Variants in GOT1 observed in about 807,000 individuals in gnomAD.
GOT1 encodes the protein glutamic-oxaloacetic transaminase 1.
GOT1 carries 25 observed loss-of-function variants against 48.2 expected under a neutral mutation model. The observed-to-expected ratio is 0.52, with a 90% confidence interval of 0.38 to 0.72. The LOEUF is 0.72. Among genes scored for constraint, GOT1 ranks in the 30% least tolerant of loss-of-function variants. GOT1 has a pLI of 0.00. For synonymous variants in GOT1, 188 were observed against 193.8 expected, an observed-to-expected ratio of 0.97 and a Z score of 0.25; for missense variants, 380 against 520.1, an observed-to-expected ratio of 0.73 and a Z score of 2.62.
chr10:99,406,574 T>C (rs1186233671), intron 3 of GOT1, 152 bp downstream of exon 3: 17 of 685,720 alleles, frequency 2.5e-5, no homozygotes, highest in African/African-American at 5.4e-5. Flanking sequence ...GAGCAGCAGG[T>C]TTCTCATGCA....
Position 99,403,734 on chromosome 10 carries a change from G to A in GOT1, c.783C>T (p.Phe261=), listed in dbSNP as rs780263697. The A allele has an allele frequency of 5.6e-6, 9 of 1,614,190 alleles. 1 individual carries two copies. The Admixed American group carries it at 6.7e-5, about 12-fold the overall frequency. The part of the protein sequence containing the change: ...FFCAQSFSKN[F]GLYNERVGNL... ...CAGGAGAGCACTCACTGTAGAGCCC[G>A]AAGTTCTTGGAGAAGGACTGGGCAC... The change falls in exon 6 of 9, where the codon TTC becomes TTT. Residue 261 remains phenylalanine, a synonymous_variant. Transcript: ENST00000370508.
At chr10:99,404,320 C>G (rs2032725991) in intron 5 of GOT1, among the ~76,000 whole-genome samples, 1 of 152,190 alleles carries the variant, frequency 6.6e-6, no homozygotes, top group South Asian at 2.1e-4. Context: ...GAGCTCTCCA[C>G]AGGGAACCTG....
chr10:99,413,684 C>G (rs2032856490), intron 2 of GOT1, among the ~76,000 whole-genome samples: 1 of 152,096 alleles, frequency 6.6e-6, no homozygotes, highest in South Asian at 2.1e-4. Flanking sequence ...TAAAGGCAGC[C>G]AGAAAGAAAG....
At chr10:99,407,052 G>C (rs1564970432) in intron 2 of GOT1, among the ~76,000 whole-genome samples, 1 of 152,216 alleles carries the variant, frequency 6.6e-6, no homozygotes, top group Non-Finnish European at 1.5e-5. Context: ...CTGAGGCTGA[G>C]AGAGGTGAAG....
At chr10:99,412,026 C>T (rs117796646) in intron 2 of GOT1, among the ~76,000 whole-genome samples, 1 of 152,252 alleles carries the variant, frequency 6.6e-6, no homozygotes, top group East Asian at 1.9e-4. Context: ...GCCTAAAATA[C>T]CTAAGGATTC....
intron 1 of GOT1, among the ~76,000 whole-genome samples, chr10:99,426,697 A>T (rs140990654): frequency 6.5e-4 from 99 of 152,322 alleles, no homozygotes; most frequent in African/African-American, 2.3e-3. Context: ...CAACTTAGAA[A>T]GCATTGTGCT....
intron 2 of GOT1, among the ~76,000 whole-genome samples, chr10:99,418,497 T>TC (rs1215531276): frequency 1.3e-5 from 2 of 150,480 alleles, no homozygotes; most frequent in African/African-American, 2.4e-5. Context: ...CCACTTTCTT[T>TC]TTTTTTTTTT....
chr10:99,420,651 A>T lies in GOT1; in HGVS notation c.273T>A (p.Asp91Glu), dbSNP rs1400487676. Residue 91 changes from aspartate (D) to glutamate (E), a missense_variant, in exon 2 of 9, where the codon GAT (aspartate) becomes GAA (glutamate). Coordinates refer to ENST00000370508, the MANE Select transcript of GOT1 (RefSeq NM_002079.3). ...RSCASRLALG[D>E]DSPALKEKRV... ...GCTTCTCCTTGAGTGCTGGGCTGTCATCCCCAAGGGCAAGACGAGAAGCAC... is the reference window on the plus strand; with the variant it reads ...GCTTCTCCTTGAGTGCTGGGCTGTCTTCCCCAAGGGCAAGACGAGAAGCAC... 1 of 1,613,826 alleles carries T rather than the reference A, an allele frequency of 6.2e-7. No homozygotes were observed. Among genetic ancestry groups the T allele is most frequent in the South Asian group, 1.1e-5 (1 of 91,030 alleles).
At chr10:99,418,997 C>T (rs1206737282) in intron 2 of GOT1, among the ~76,000 whole-genome samples, 1 of 152,228 alleles carries the variant, frequency 6.6e-6, no homozygotes, top group Non-Finnish European at 1.5e-5. Context: ...CATTACTTGC[C>T]TAATCATGGA....
chr10:99,403,300 G>A (rs1263095557), intron 7 of GOT1, among the ~76,000 whole-genome samples, 169 bp downstream of exon 7: 1 of 152,130 alleles, frequency 6.6e-6, no homozygotes, highest in Non-Finnish European at 1.5e-5. Context: ...TTATGCACGT[G>A]TGAGGTAGAT....
intron 5 of GOT1, among the ~76,000 whole-genome samples, chr10:99,404,677 T>G (rs2032730117): frequency 6.6e-6 from 1 of 152,106 alleles, no homozygotes; most frequent in Non-Finnish European, 1.5e-5. Context: ...TGCTATGACA[T>G]CAGGGTGGCC....
chr10:99,401,436 C>G lies in GOT1; in HGVS notation c.1102+1144G>C, dbSNP rs567375719. ...TTAAATACCTCCCCACGGCCTCTGCCGTTCTGCCTACAAACCAAGCCAGCC... is the reference window on the plus strand; with the variant it reads ...TTAAATACCTCCCCACGGCCTCTGCGGTTCTGCCTACAAACCAAGCCAGCC... On this transcript the variant is annotated intron_variant, in intron 8 of 8. Coordinates refer to ENST00000370508, the MANE Select transcript of GOT1 (RefSeq NM_002079.3). 7.2e-5 allele frequency among the ~76,000 whole-genome samples: 11 copies of G among 152,288 alleles called. No individual in the cohort carries two copies. In the South Asian group the frequency reaches 1.0e-3, roughly 14 times the overall value.
chr10:99,424,451 A>G (rs2033011814), intron 1 of GOT1, among the ~76,000 whole-genome samples: 1 of 152,248 alleles, frequency 6.6e-6, no homozygotes, highest in Non-Finnish European at 1.5e-5. Context: ...GATACTAGGT[A>G]GATGCAAAAA....
At position 99,405,834 on chromosome 10, in the gene GOT1, G is replaced by A; in HGVS notation, c.564C>T (p.Val188=). 1 of 1,607,530 alleles carries A rather than the reference G, an allele frequency of 6.2e-7. No individual in the cohort carries two copies. Among genetic ancestry groups the A allele is most frequent in the Non-Finnish European group, 8.5e-7 (1 of 1,173,946 alleles). ...LENAPEFSIV[V]LHACAHNPTG... ...TTGGGTTGTGTGCACAGGCGTGGAG[G>A]ACAACAATGGAGAACTCAGGAGCAT... Residue 188 remains valine (V), a synonymous_variant, in exon 5 of 9, where the codon GTC becomes GTT. Coordinates refer to ENST00000370508, the MANE Select transcript of GOT1 (RefSeq NM_002079.3).
At chr10:99,399,508 T>C (rs949868075) in intron 8 of GOT1, among the ~76,000 whole-genome samples, 1 of 152,180 alleles carries the variant, frequency 6.6e-6, no homozygotes, top group African/African-American at 2.4e-5. Flanking sequence ...CAGTGGCTCA[T>C]GCCTGTAATC....
intron 2 of GOT1, among the ~76,000 whole-genome samples, chr10:99,415,576 T>C (rs983783625): frequency 6.6e-6 from 1 of 152,132 alleles, no homozygotes. Context: ...GAGGAAATCC[T>C]CCCTAACTCA....
rs779521968 is a variant in GOT1 at position 99,430,428 on chromosome 10, C to A, written c.118+20G>T. The A allele has an allele frequency of 1.9e-6, 3 of 1,604,096 alleles. No homozygotes were observed. Among genetic ancestry groups the A allele is most frequent in the Non-Finnish European group, 1.7e-6 (2 of 1,174,542 alleles). Reference sequence around the variant, plus strand: ...CTCCACTCCCCGAGCTGCTCACACTCCAGAGCACTACATCCTTACCTCCCA... The same window carrying A: ...CTCCACTCCCCGAGCTGCTCACACTACAGAGCACTACATCCTTACCTCCCA... On this transcript the variant is annotated intron_variant, in intron 1 of 8. Transcript: ENST00000370508.
In GOT1 at chr10:99,406,220, C is replaced by T. The variant is rs757917465; in HGVS notation, c.454G>A (p.Gly152Ser). ...CGATAGGACCGAATGTCTTTAAAAC[C>T]AGCAGCGGAAAACACAGCATTGTGA... ...ENHNAVFSAA[G>S]FKDIRSYRYW... is the part of the protein sequence containing the mutation. Residue 152 changes from glycine (G) to serine (S), a missense_variant, in exon 4 of 9, where the codon GGT (glycine) becomes AGT (serine). Physicochemically the swap from Gly to Ser is moderately conservative, Grantham distance 56. Coordinates refer to ENST00000370508, the MANE Select transcript of GOT1 (RefSeq NM_002079.3). 1 of 1,613,854 alleles carries T rather than the reference C, an allele frequency of 6.2e-7. No individual in the cohort carries two copies. The highest frequency in any genetic ancestry group is 1.3e-5 in the African/African-American group (1 of 75,022).
intron 8 of GOT1, among the ~76,000 whole-genome samples, chr10:99,402,094 C>T (rs2032688181): frequency 6.6e-6 from 1 of 152,132 alleles, no homozygotes; most frequent in South Asian, 2.1e-4. Context: ...AGGTGTGAGC[C>T]ACTGTGCCCA....
Sources: allele counts gnomAD v4.1 joint callset (sites outside exome capture counted in the v4.1 genomes callset), GRCh38; gene constraint gnomAD v4.1.1; transcripts MANE v1.5; gene names NCBI Gene and HGNC (gene_info 2026-07-23, HGNC 2026-07-21).